The following BBS9 variants were observed in gnomAD, a reference collection of about 807,000 sequenced individuals.
BBS9 encodes Bardet-Biedl syndrome 9, also known as protein PTHB1.
BBS9 carries 89 observed loss-of-function variants against 117.7 expected under a neutral mutation model. That is an observed-to-expected ratio of 0.76 (90% confidence interval 0.64 to 0.90). The LOEUF is 0.90. Among genes scored for constraint, BBS9 ranks in the 40% least tolerant of loss-of-function variants. BBS9 has a pLI of 0.00. For missense variants in BBS9, 982 were observed against 1,042.2 expected (o/e 0.94, Z 0.80); for synonymous variants, 379 against 370.9 (o/e 1.02, Z -0.25).
At chr7:33,298,457 G>C (rs149246827) in intron 9 of BBS9, among the ~76,000 whole-genome samples, 1 of 152,160 alleles carries the variant, frequency 6.6e-6, no homozygotes, top group South Asian at 2.1e-4. Context: ...ATTACTGTTA[G>C]TTTTGGCACA....
intron 21 of BBS9, among the ~76,000 whole-genome samples, chr7:33,595,340 A>G (rs1271275378): frequency 2.0e-5 from 3 of 152,042 alleles, no homozygotes; most frequent in African/African-American, 7.2e-5. Flanking sequence ...ACTTAAATTT[A>G]TAAGAAAGAA....
At chr7:33,155,591 T>C (rs1283962555) in intron 3 of BBS9, 47 bp from the exon 4 acceptor site, 2 of 1,326,160 alleles carry the variant, frequency 1.5e-6, no homozygotes, top group South Asian at 1.2e-5. Flanking sequence ...TTTGGTTACG[T>C]CTAAAGCTAA....
intron 9 of BBS9, among the ~76,000 whole-genome samples, chr7:33,296,185 A>G (rs959489313): frequency 2.2e-4 from 33 of 152,264 alleles, no homozygotes; most frequent in African/African-American, 7.5e-4. Context: ...AAACTGATGT[A>G]CTATTGCTTA....
At chr7:33,224,382 T>C (rs1208900839) in intron 5 of BBS9, among the ~76,000 whole-genome samples, 1 of 152,222 alleles carries the variant, frequency 6.6e-6, no homozygotes, top group Non-Finnish European at 1.5e-5. Flanking sequence ...TCTATATCTG[T>C]CTGTTGTGTT....
At chr7:33,542,246 G>A (rs1046953074) in intron 21 of BBS9, among the ~76,000 whole-genome samples, 8 of 151,854 alleles carry the variant, frequency 5.3e-5, no homozygotes, top group African/African-American at 7.3e-5. Flanking sequence ...CACCATGCCC[G>A]GCTAATTTTT....
chr7:33,473,309 C>T (rs113037347), intron 19 of BBS9, among the ~76,000 whole-genome samples: 14,622 of 150,250 alleles, frequency 0.097, 1,232 homozygotes, highest in African/African-American at 0.22. Flanking sequence ...ACAATTCCCC[C>T]TCCCTCACCC....
chr7:33,544,698 A>T (rs1386131525), intron 21 of BBS9, among the ~76,000 whole-genome samples: 1 of 152,128 alleles, frequency 6.6e-6, no homozygotes, highest in Non-Finnish European at 1.5e-5. Context: ...ACTTTCCAGA[A>T]AGCATCAGCT....
At chr7:33,465,131 G>A (rs984930680) in intron 19 of BBS9, among the ~76,000 whole-genome samples, 2 of 151,614 alleles carry the variant, frequency 1.3e-5, no homozygotes, top group Non-Finnish European at 2.9e-5. Flanking sequence ...GTTCCTGTAC[G>A]TGTCTCAGTT....
chr7:33,444,504 T>C (rs1255205071), intron 19 of BBS9, among the ~76,000 whole-genome samples: 1 of 152,218 alleles, frequency 6.6e-6, no homozygotes. Flanking sequence ...AGGACTTTAA[T>C]TGGAAATATA....
chr7:33,303,818 G>A (rs1807115252), intron 9 of BBS9, among the ~76,000 whole-genome samples: 1 of 152,080 alleles, frequency 6.6e-6, no homozygotes, highest in African/African-American at 2.4e-5. Context: ...GCTCAATGTG[G>A]CCCAGGCTGG....
intron 19 of BBS9, among the ~76,000 whole-genome samples, chr7:33,494,086 G>A (rs968850691): frequency 6.6e-6 from 1 of 152,126 alleles, no homozygotes. Flanking sequence ...AAGGATAACT[G>A]TTTTGAGCAC....
chr7:33,507,336 G>A (rs1378217796), intron 20 of BBS9, among the ~76,000 whole-genome samples: 1 of 152,110 alleles, frequency 6.6e-6, no homozygotes, highest in Admixed American at 6.6e-5. Flanking sequence ...TGCCTCCTGG[G>A]TTCAAGCGAA....
intron 5 of BBS9, among the ~76,000 whole-genome samples, chr7:33,194,148 A>T (rs773058724): frequency 6.6e-6 from 1 of 152,196 alleles, no homozygotes; most frequent in Non-Finnish European, 1.5e-5. Context: ...TCTGACCAGA[A>T]GGAATGTGGT....
At chr7:33,278,231 T>C (rs951137757) in intron 9 of BBS9, among the ~76,000 whole-genome samples, 4 of 152,160 alleles carry the variant, frequency 2.6e-5, no homozygotes, top group African/African-American at 9.7e-5. Flanking sequence ...AGCTATGATA[T>C]GGGAAAAGGG....
At chr7:33,402,812 C>A (rs1829132602) in intron 19 of BBS9, among the ~76,000 whole-genome samples, 1 of 152,036 alleles carries the variant, frequency 6.6e-6, no homozygotes, top group Non-Finnish European at 1.5e-5. Flanking sequence ...GAGCATAGTA[C>A]CCGAGAGGTA....
At chr7:33,536,149 G>T (rs928402633) in intron 21 of BBS9, among the ~76,000 whole-genome samples, 1 of 152,122 alleles carries the variant, frequency 6.6e-6, no homozygotes, top group Non-Finnish European at 1.5e-5. Flanking sequence ...AGTCCAGGGC[G>T]GGCCATCAGT....
chr7:33,400,969 T>G (rs1403453336), intron 19 of BBS9, among the ~76,000 whole-genome samples: 4 of 152,230 alleles, frequency 2.6e-5, no homozygotes, highest in Non-Finnish European at 5.9e-5. Flanking sequence ...TGATAGAATG[T>G]CATGCAGTAA....
intron 4 of BBS9, among the ~76,000 whole-genome samples, chr7:33,166,533 G>T (rs910288797): frequency 6.6e-6 from 1 of 152,254 alleles, no homozygotes; most frequent in Non-Finnish European, 1.5e-5. Context: ...GCTTCCTCCA[G>T]CCGCTTTGTT....
chr7:33,395,719 T>A (rs1330351315), intron 19 of BBS9, among the ~76,000 whole-genome samples: 1 of 152,178 alleles, frequency 6.6e-6, no homozygotes. Flanking sequence ...TTCCACTCTG[T>A]TTATTTGTAT....
Sources: allele counts gnomAD v4.1 joint callset (sites outside exome capture counted in the v4.1 genomes callset), GRCh38; gene constraint gnomAD v4.1.1; transcripts MANE v1.5; gene names NCBI Gene and HGNC (gene_info 2026-07-23, HGNC 2026-07-21).